Variants in RNF128 observed in about 807,000 individuals in gnomAD.
RNF128 encodes ring finger protein 128.
RNF128 carries 13 observed loss-of-function variants against 26.2 expected under a neutral mutation model. The observed-to-expected ratio is 0.50, with a 90% CI of 0.32 to 0.79. The LOEUF is 0.79. Among genes scored for constraint, RNF128 ranks in the 30% least tolerant of loss-of-function variants. The pLI, the probability that RNF128 is intolerant of heterozygous loss-of-function variation, is 0.03. For missense variants in RNF128, 315 were observed against 349.7 expected (o/e 0.90, Z 0.79); for synonymous variants, 149 against 142.5 (o/e 1.05, Z -0.32).
upstream of RNF128, among the ~76,000 whole-genome samples, chrX:106,721,982 A>G (rs988064979): frequency 1.8e-5 from 2 of 111,558 alleles, no homozygotes; most frequent in Admixed American, 9.6e-5. Flanking sequence ...TCTTAGGGAG[A>G]GTAGGACTCC....
chrX:106,761,019 G>A (rs1216462110), intron 1 of RNF128, among the ~76,000 whole-genome samples: 2 of 111,809 alleles, frequency 1.8e-5, no homozygotes, highest in African/African-American at 6.5e-5. Flanking sequence ...TGCAAACTAT[G>A]CATCCAACAA....
intron 1 of RNF128, among the ~76,000 whole-genome samples, chrX:106,764,951 G>C (rs1930190647): frequency 9.0e-6 from 1 of 110,905 alleles, no homozygotes; most frequent in African/African-American, 3.3e-5. Flanking sequence ...TAAATAAATA[G>C]AAAAAAAGGG....
intron 5 of RNF128, 67 bp downstream of exon 5, chrX:106,790,349 C>G: frequency 2.6e-6 from 2 of 766,320 alleles, no homozygotes; most frequent in Non-Finnish European, 4.0e-6. Flanking sequence ...AACAAAATAA[C>G]ATCCTTATTT....
At chrX:106,702,270 C>A (rs1928971540) in intron 1 of RNF128, among the ~76,000 whole-genome samples, 1 of 111,483 alleles carries the variant, frequency 9.0e-6, no homozygotes, top group Admixed American at 9.5e-5. Context: ...ATTTTAAAAT[C>A]AAAGAACATT....
At chrX:106,700,045 C>A (rs868407401) in intron 1 of RNF128, among the ~76,000 whole-genome samples, 1 of 98,343 alleles carries the variant, frequency 1.0e-5, no homozygotes, top group Non-Finnish European at 2.0e-5. Flanking sequence ...TTTTTTGATA[C>A]GGGTCTTGCT....
Position 106,796,349 on chromosome X carries a change from T to A in RNF128, c.*636T>A, listed in dbSNP as rs1930917006. 8.9e-6 allele frequency: 1 copy of A among 112,140 alleles called. No homozygotes were observed. Among genetic ancestry groups the A allele is most frequent in the African/African-American group, 3.2e-5 (1 of 30,840 alleles). 9.2% of individuals were successfully genotyped at this position (112,140 alleles called of 1,213,427 possible). On this transcript the variant is annotated 3_prime_UTR_variant, in exon 7 of 7. Coordinates refer to ENST00000255499, the MANE Select transcript of RNF128 (RefSeq NM_194463.2). ...TGGACTTAATTGATTGGTATATTAGTGACATCAACTTGACACAAGATTAGA... is the reference window on the plus strand; with the variant it reads ...TGGACTTAATTGATTGGTATATTAGAGACATCAACTTGACACAAGATTAGA...
intron 1 of RNF128, among the ~76,000 whole-genome samples, chrX:106,758,210 A>G (rs939208630): frequency 4.5e-5 from 5 of 111,943 alleles, no homozygotes; most frequent in Non-Finnish European, 3.8e-5. Flanking sequence ...AAGTACTAGG[A>G]GGAAACCTAA....
In RNF128 at chrX:106,746,925, A is replaced by G. The variant is rs185672695; in HGVS notation, c.484+19528A>G. Among the ~76,000 whole-genome samples, 25 of 111,574 alleles carry G rather than the reference A, an allele frequency of 2.2e-4. No individual in the cohort carries two copies. The East Asian group carries it at 5.6e-3, about 25-fold the overall frequency. ...CCTAGAATTGGAATCTGTAACTACT[A>G]TATACATTTGTTGTATCAAGATAAG... On this transcript the variant is annotated intron_variant, in intron 1 of 6. Transcript: ENST00000255499.
intron 1 of RNF128, among the ~76,000 whole-genome samples, chrX:106,702,477 T>C (rs1023669141): frequency 1.8e-5 from 2 of 111,425 alleles, no homozygotes; most frequent in African/African-American, 6.5e-5. Flanking sequence ...CCTGAGCCTA[T>C]ATAAAGTAGG....
At chrX:106,765,293 A>G (rs1930198336) in intron 1 of RNF128, among the ~76,000 whole-genome samples, 1 of 112,318 alleles carries the variant, frequency 8.9e-6, no homozygotes, top group Non-Finnish European at 1.9e-5. Context: ...ATCTTAGCAT[A>G]CTATGAGATA....
chrX:106,731,595 A>T (rs1929503445), intron 1 of RNF128, among the ~76,000 whole-genome samples: 2 of 111,736 alleles, frequency 1.8e-5, no homozygotes, highest in South Asian at 7.5e-4. Context: ...GTACCTCTGC[A>T]GGACTGTATT....
intron 2 of RNF128, among the ~76,000 whole-genome samples, chrX:106,779,267 G>A (rs1418650922): frequency 9.2e-6 from 1 of 109,266 alleles, no homozygotes; most frequent in Non-Finnish European, 1.9e-5. Flanking sequence ...ATATATTCAA[G>A]GTGTACAACA....
intron 1 of RNF128, among the ~76,000 whole-genome samples, chrX:106,714,390 C>CT (rs1311288169): frequency 2.7e-5 from 3 of 110,727 alleles, no homozygotes; most frequent in Non-Finnish European, 5.7e-5. Flanking sequence ...AAAAGAAAAA[C>CT]TTTTTATTTT....
chrX:106,773,255 C>A lies in RNF128; in HGVS notation c.732+95C>A. ...ATTTTAATACATTGTACTTGCTAGACAATGATCTCCCCATATGTTTTACAA... is the reference window on the plus strand; with the variant it reads ...ATTTTAATACATTGTACTTGCTAGAAAATGATCTCCCCATATGTTTTACAA... On this transcript the variant is annotated intron_variant, in intron 2 of 6. Transcript: ENST00000255499. The A allele has an allele frequency of 8.3e-6, 7 of 845,286 alleles. No individual in the cohort carries two copies. The South Asian group carries it at 1.6e-4, about 19-fold the overall frequency. 69.7% of individuals were successfully genotyped at this position (845,286 alleles called of 1,213,427 possible). A position where few individuals can be genotyped will look rare whatever the true frequency, so the allele number is the denominator to read the frequency against.
At chrX:106,787,509 G>A (rs1455988657) in intron 3 of RNF128, among the ~76,000 whole-genome samples, 1 of 111,084 alleles carries the variant, frequency 9.0e-6, no homozygotes, top group Non-Finnish European at 1.9e-5. Context: ...TATCTTGATT[G>A]TGATAAGGAT....
intron 1 of RNF128, among the ~76,000 whole-genome samples, chrX:106,711,661 G>A (rs1929129437): frequency 8.9e-6 from 1 of 111,766 alleles, no homozygotes; most frequent in East Asian, 2.8e-4. Context: ...TTCAGTACTT[G>A]TCTCAAGCAC....
intron 1 of RNF128, among the ~76,000 whole-genome samples, chrX:106,750,454 T>C (rs1435471117): frequency 1.8e-5 from 2 of 111,869 alleles, no homozygotes; most frequent in Admixed American, 9.5e-5. Flanking sequence ...TTATCATTAA[T>C]GGGGATAGTA....
At chrX:106,764,665 C>CA (rs1286881881) in intron 1 of RNF128, among the ~76,000 whole-genome samples, 2 of 109,697 alleles carry the variant, frequency 1.8e-5, no homozygotes, top group Non-Finnish European at 3.8e-5. Context: ...AACTCCGTCT[C>CA]AAAAAAAACA....
intron 4 of RNF128, among the ~76,000 whole-genome samples, chrX:106,788,696 A>G (rs1301076791): frequency 4.7e-4 from 32 of 68,762 alleles, no homozygotes; most frequent in African/African-American, 1.8e-3. Context: ...ATAGTTATAT[A>G]TAAATATATT....
Sources: allele counts gnomAD v4.1 joint callset (sites outside exome capture counted in the v4.1 genomes callset), GRCh38; gene constraint gnomAD v4.1.1; transcripts MANE v1.5; gene names NCBI Gene and HGNC (gene_info 2026-07-23, HGNC 2026-07-21).